TENM3: variants seen among roughly 807,000 people sequenced by gnomAD.
The protein encoded by TENM3 is teneurin transmembrane protein 3, also known as teneurin-3.
A neutral mutation model predicts 255.1 loss-of-function variants in TENM3; 63 were observed. That is an observed-to-expected ratio of 0.25 (90% confidence interval 0.20 to 0.30). The LOEUF (loss-of-function observed/expected upper bound fraction) is 0.30. Ranked by LOEUF, TENM3 falls within the 10% of genes least tolerant of loss-of-function variation. TENM3 has a pLI of 1.00. For synonymous variants in TENM3, 1,306 were observed against 1,322.3 expected (o/e 0.99, Z 0.27); for missense variants, 2,929 against 3,461.1 (o/e 0.85, Z 3.86).
chr4:182,575,100 A>C (rs1306101682), intron 3 of TENM3, among the ~76,000 whole-genome samples: 5 of 152,202 alleles, frequency 3.3e-5, no homozygotes, highest in Non-Finnish European at 7.4e-5. Flanking sequence ...GTAAAATCGT[A>C]CAGAAGAAAT....
At chr4:181,538,894 T>C in the TENM3 span, among the ~76,000 whole-genome samples, 35,654 of 152,144 alleles carry the variant, frequency 0.23, 4,385 homozygotes, top group Middle Eastern at 0.31. Context: ...TGTAATCCAA[T>C]TGGTTTAGTT....
the TENM3 span, among the ~76,000 whole-genome samples, chr4:182,101,310 A>AG: frequency 8.7e-5 from 4 of 45,996 alleles, no homozygotes; most frequent in African/African-American, 3.3e-4. Context: ...AGGGAGGGAA[A>AG]GAAGGAAAGA....
chr4:182,138,120 T>A, the TENM3 span, among the ~76,000 whole-genome samples: 2 of 152,226 alleles, frequency 1.3e-5, no homozygotes, highest in Non-Finnish European at 2.9e-5. Flanking sequence ...ATCCTTTTCT[T>A]TACCCAGAGA....
At chr4:181,840,907 T>G in the TENM3 span, among the ~76,000 whole-genome samples, 1 of 152,012 alleles carries the variant, frequency 6.6e-6, no homozygotes, top group African/African-American at 2.4e-5. Context: ...GTCACCAGCC[T>G]GAGTATTTTC....
the TENM3 span, among the ~76,000 whole-genome samples, chr4:181,647,304 C>T: frequency 1.3e-5 from 2 of 152,126 alleles, no homozygotes; most frequent in Non-Finnish European, 2.9e-5. Context: ...AGTGCTGTCT[C>T]CATGATGAAT....
chr4:182,632,071 T>C (rs937269279), intron 5 of TENM3, among the ~76,000 whole-genome samples: 12 of 152,220 alleles, frequency 7.9e-5, no homozygotes, highest in Non-Finnish European at 2.9e-5. Flanking sequence ...GTCAACTTTT[T>C]GGTGTGTATC....
intron 3 of TENM3, among the ~76,000 whole-genome samples, chr4:182,469,196 G>T (rs1047147109): frequency 1.3e-5 from 2 of 152,116 alleles, no homozygotes; most frequent in Non-Finnish European, 2.9e-5. Context: ...GAATGAATTT[G>T]AAAAACTAAA....
At chr4:181,732,529 T>C in the TENM3 span, among the ~76,000 whole-genome samples, 1 of 152,198 alleles carries the variant, frequency 6.6e-6, no homozygotes, top group Non-Finnish European at 1.5e-5. Context: ...ACCTTTTTCA[T>C]AAATCAGGTA....
chr4:182,775,224 T>C (rs1764586849), intron 24 of TENM3, 71 bp downstream of exon 24: 2 of 1,357,916 alleles, frequency 1.5e-6, no homozygotes, highest in Non-Finnish European at 2.1e-6. Flanking sequence ...GAGGGCAGGT[T>C]GCGTCTCCTG....
In TENM3 at chr4:182,342,173, A is replaced by T. The variant is rs144035942; in HGVS notation, c.233-4478A>T. On this transcript the variant is annotated intron_variant, in intron 2 of 27. Coordinates refer to ENST00000511685, the MANE Select transcript of TENM3 (RefSeq NM_001080477.4). ...AGAAATGAAGACATATGTACGCATG[A>T]AAACTTGTACAGGAATGTTCCTGGA... 2.3e-4 allele frequency among the ~76,000 whole-genome samples: 35 copies of T among 152,372 alleles called. 1 individual carries two copies. The highest frequency in any genetic ancestry group is 8.2e-4 in the African/African-American group (34 of 41,596).
chr4:182,443,013 G>A (rs1772631007), intron 3 of TENM3, among the ~76,000 whole-genome samples: 1 of 151,956 alleles, frequency 6.6e-6, no homozygotes, highest in South Asian at 2.1e-4. Context: ...ATGAGCCACC[G>A]TGTCTGGCCT....
chr4:182,659,089 C>G (rs1203978879), intron 6 of TENM3, among the ~76,000 whole-genome samples: 2 of 152,198 alleles, frequency 1.3e-5, no homozygotes, highest in Non-Finnish European at 2.9e-5. Flanking sequence ...TTAAACTCCT[C>G]CTCTTGACTA....
chr4:182,759,752 A>G lies in TENM3; in HGVS notation c.4892+4493A>G, dbSNP rs184960300. Among the ~76,000 whole-genome samples the G allele has an allele frequency of 3.3e-5, 5 of 152,364 alleles. No individual in the cohort carries two copies. In the East Asian group the frequency reaches 9.6e-4, roughly 29 times the overall value. Reference sequence around the variant, plus strand: ...CTGATTCCCAATAAGGTTTTTATCAATCACCAATAAAGTAAGTAGGGTGAT... The same window carrying G: ...CTGATTCCCAATAAGGTTTTTATCAGTCACCAATAAAGTAAGTAGGGTGAT... On this transcript the variant is annotated intron_variant, in intron 22 of 27. Coordinates refer to ENST00000511685, the MANE Select transcript of TENM3 (RefSeq NM_001080477.4).
intron 3 of TENM3, among the ~76,000 whole-genome samples, chr4:182,518,184 C>G (rs908849218): frequency 2.0e-5 from 3 of 152,094 alleles, no homozygotes; most frequent in African/African-American, 7.2e-5. Context: ...CAGGTACACC[C>G]TGGAAACACT....
intron 13 of TENM3, among the ~76,000 whole-genome samples, chr4:182,717,263 C>T (rs1759270657): frequency 6.6e-6 from 1 of 152,174 alleles, no homozygotes; most frequent in Non-Finnish European, 1.5e-5. Flanking sequence ...TCATGTATGT[C>T]TGTCCCCCTT....
At chr4:182,724,111 T>C (rs1264256541) in intron 13 of TENM3, among the ~76,000 whole-genome samples, 1 of 152,232 alleles carries the variant, frequency 6.6e-6, no homozygotes, top group Non-Finnish European at 1.5e-5. Flanking sequence ...AAAGACAGGC[T>C]CTTAACTGAT....
chr4:182,670,351 T>C (rs575232205), intron 6 of TENM3, among the ~76,000 whole-genome samples: 5 of 152,296 alleles, frequency 3.3e-5, no homozygotes, highest in African/African-American at 9.6e-5. Context: ...ACCTGATAGC[T>C]ACCATGATTG....
At chr4:182,424,063 A>G (rs926807886) in intron 3 of TENM3, among the ~76,000 whole-genome samples, 5 of 152,200 alleles carry the variant, frequency 3.3e-5, no homozygotes, top group African/African-American at 1.2e-4. Flanking sequence ...AGTATAAACT[A>G]AAACACATGG....
chr4:182,731,242 A>T lies in TENM3; in HGVS notation c.2967+103A>T, dbSNP rs528679018. 18 of 1,217,088 alleles carry T rather than the reference A, an allele frequency of 1.5e-5. No individual in the cohort carries two copies. In the African/African-American group the frequency reaches 2.4e-4, roughly 16 times the overall value. The allele number at this position is 1,217,088 out of a possible 1,614,324, so 75.4% of individuals were successfully genotyped here. A position where few individuals can be genotyped will look rare whatever the true frequency, so the allele number is the denominator to read the frequency against. Reference sequence around the variant, plus strand: ...TTATAGAGTCCGGGCACGGTGGCTCACTCCTGTAATCCCAGCGCTTTGGGA... The same window carrying T: ...TTATAGAGTCCGGGCACGGTGGCTCTCTCCTGTAATCCCAGCGCTTTGGGA... On this transcript the variant is annotated intron_variant, in intron 16 of 27. Transcript: ENST00000511685.
Sources: allele counts gnomAD v4.1 joint callset (sites outside exome capture counted in the v4.1 genomes callset), GRCh38; gene constraint gnomAD v4.1.1; transcripts MANE v1.5; gene names NCBI Gene and HGNC (gene_info 2026-07-23, HGNC 2026-07-21).